Variants in FAM184B observed in about 807,000 individuals in gnomAD.
The protein encoded by FAM184B is family with sequence similarity 184 member B.
Under a neutral mutation model 135.9 loss-of-function variants are expected in FAM184B, and 111 were observed. The observed-to-expected ratio is 0.82, with a 90% CI of 0.70 to 0.96. The LOEUF (loss-of-function observed/expected upper bound fraction) is 0.96, where lower values mean the gene tolerates loss of function less well. Ranked by LOEUF, FAM184B falls within the 40% of genes least tolerant of loss-of-function variation. The pLI, the probability that FAM184B is intolerant of heterozygous loss-of-function variation, is 0.00. For missense variants in FAM184B, 1,375 were observed against 1,323.9 expected, an observed-to-expected ratio of 1.04 and a Z score of -0.60; for synonymous variants, 552 against 524.8, an observed-to-expected ratio of 1.05 and a Z score of -0.71.
chr4:17,700,626 T>C (rs952932080), intron 5 of FAM184B, among the ~76,000 whole-genome samples: 1 of 152,138 alleles, frequency 6.6e-6, no homozygotes, highest in African/African-American at 2.4e-5. Flanking sequence ...ACTTGAACAA[T>C]ACTATCAACA....
At chr4:17,689,711 A>G (rs1716677272) in intron 6 of FAM184B, among the ~76,000 whole-genome samples, 2 of 152,006 alleles carry the variant, frequency 1.3e-5, no homozygotes, top group African/African-American at 4.8e-5. Flanking sequence ...TCAAACTCCT[A>G]GGCTCAAGAG....
In FAM184B at chr4:17,684,188, TAAAATAGTTATATAA is replaced by T. The variant is rs1289206953; in HGVS notation, c.1596+4221_1596+4235del. Among the ~76,000 whole-genome samples the T allele has an allele frequency of 4.7e-3, 681 of 143,530 alleles. 11 individuals carry two copies. The highest frequency in any genetic ancestry group is 0.015 in the African/African-American group (595 of 40,250). The allele number at this position is 143,530 out of a possible 152,430, so 94.2% of individuals were successfully genotyped here. A position where few individuals can be genotyped will look rare whatever the true frequency, so the allele number is the denominator to read the frequency against. On this transcript the variant is annotated intron_variant, in intron 7 of 17. Coordinates refer to ENST00000265018, the MANE Select transcript of FAM184B (RefSeq NM_015688.2). ...TAATATAAAATAAAATAATTATATA[TAAAATAGTTATATAA>T]AAAATAATAATATAATTACTATTAT... is the stretch of plus-strand genomic sequence containing the variant.
At chr4:17,724,304 A>T (rs1028005153) in intron 1 of FAM184B, among the ~76,000 whole-genome samples, 2 of 152,124 alleles carry the variant, frequency 1.3e-5, no homozygotes, top group Non-Finnish European at 2.9e-5. Context: ...TGCACATGGC[A>T]CTTCATTTAT....
intron 5 of FAM184B, among the ~76,000 whole-genome samples, chr4:17,704,660 G>A (rs895948500): frequency 2.9e-4 from 44 of 152,232 alleles, no homozygotes; most frequent in African/African-American, 1.0e-3. Context: ...TTTGGTTAAT[G>A]GTATTTCTCT....
At chr4:17,776,506 A>G (rs1718929484) in intron 1 of FAM184B, among the ~76,000 whole-genome samples, 1 of 152,162 alleles carries the variant, frequency 6.6e-6, no homozygotes, top group African/African-American at 2.4e-5. Context: ...CTCCTGCCTC[A>G]GCCTGCCGAG....
intron 7 of FAM184B, among the ~76,000 whole-genome samples, chr4:17,687,703 G>A (rs1041400439): frequency 3.9e-5 from 6 of 152,124 alleles, no homozygotes; most frequent in South Asian, 2.1e-4. Flanking sequence ...GGCAGAGATC[G>A]GAGTGACGTG....
chr4:17,666,187 C>A (rs1442617061), intron 7 of FAM184B, among the ~76,000 whole-genome samples: 3 of 152,076 alleles, frequency 2.0e-5, no homozygotes, highest in Non-Finnish European at 4.4e-5. Flanking sequence ...AACGATGTGA[C>A]CTTGGGAAAA....
chr4:17,779,125 T>C (rs1718985753), intron 1 of FAM184B, among the ~76,000 whole-genome samples: 2 of 151,998 alleles, frequency 1.3e-5, no homozygotes, highest in Non-Finnish European at 2.9e-5. Flanking sequence ...AAGGCAAGAA[T>C]GGAAGAAAAA....
intron 1 of FAM184B, among the ~76,000 whole-genome samples, chr4:17,777,743 G>A (rs1353687219): frequency 1.3e-5 from 2 of 152,154 alleles, no homozygotes; most frequent in Admixed American, 1.3e-4. Context: ...CCTAATGGTA[G>A]TGCCAGAAAA....
At chr4:17,757,793 T>C (rs904724200) in intron 1 of FAM184B, among the ~76,000 whole-genome samples, 1 of 151,422 alleles carries the variant, frequency 6.6e-6, no homozygotes, top group Non-Finnish European at 1.5e-5. Context: ...ACAGAATTTG[T>C]ATAACTGGAA....
chr4:17,685,129 A>G (rs1236372318), intron 7 of FAM184B, among the ~76,000 whole-genome samples: 1 of 151,188 alleles, frequency 6.6e-6, no homozygotes, highest in Non-Finnish European at 1.5e-5. Context: ...TGATAGGTAC[A>G]GCAAACCACC....
At chr4:17,772,402 C>A (rs1028141015) in intron 1 of FAM184B, among the ~76,000 whole-genome samples, 20 of 152,126 alleles carry the variant, frequency 1.3e-4, no homozygotes, top group African/African-American at 4.8e-4. Flanking sequence ...TGTGGAGACA[C>A]AGTCCTCATG....
At chr4:17,779,390 A>T (rs184335944) in intron 1 of FAM184B, among the ~76,000 whole-genome samples, 2 of 152,234 alleles carry the variant, frequency 1.3e-5, no homozygotes, top group African/African-American at 2.4e-5. Context: ...CAGACGCACT[A>T]CATAAGGATC....
chr4:17,660,196 C>T (rs1715881288), intron 8 of FAM184B, 109 bp from the exon 9 acceptor site: 3 of 1,280,754 alleles, frequency 2.3e-6, no homozygotes, highest in Admixed American at 4.9e-5. Context: ...GCTCCGATAG[C>T]AGTTAGTGGG....
intron 1 of FAM184B, among the ~76,000 whole-genome samples, chr4:17,765,435 TATA>T (rs1214052728): frequency 1.3e-5 from 2 of 152,144 alleles, no homozygotes; most frequent in African/African-American, 2.4e-5. Flanking sequence ...GATTATAATA[TATA>T]ATGACAAACT....
intron 1 of FAM184B, among the ~76,000 whole-genome samples, chr4:17,748,250 G>A (rs981577966): frequency 1.3e-5 from 2 of 151,844 alleles, no homozygotes; most frequent in East Asian, 1.9e-4. Flanking sequence ...TCTGAGGTGC[G>A]TGTTATATTC....
chr4:17,778,788 GC>G (rs1718979410), intron 1 of FAM184B, among the ~76,000 whole-genome samples: 1 of 152,118 alleles, frequency 6.6e-6, no homozygotes, highest in South Asian at 2.1e-4. Context: ...GAGGCCAGGA[GC>G]TTGAGGCTCC....
chr4:17,756,481 A>G (rs1184657411), intron 1 of FAM184B, among the ~76,000 whole-genome samples: 1 of 152,196 alleles, frequency 6.6e-6, no homozygotes, highest in Non-Finnish European at 1.5e-5. Flanking sequence ...TCTTTGGAGG[A>G]TGTAAGGAAA....
chr4:17,644,319 T>C (rs9291658), intron 12 of FAM184B, among the ~76,000 whole-genome samples: 104,990 of 152,018 alleles, frequency 0.69, 36,803 homozygotes, highest in East Asian at 0.93. Context: ...TGATGAACAT[T>C]GATGTAAAAA....
Sources: gnomAD v4.1 joint callset for allele counts (sites outside exome capture counted in the v4.1 genomes callset) on GRCh38, gnomAD v4.1.1 for gene constraint, MANE v1.5 for transcripts, NCBI Gene and HGNC (gene_info 2026-07-23, HGNC 2026-07-21) for gene names.